Variants in TRABD2B observed in about 807,000 individuals in gnomAD.
The protein encoded by TRABD2B is metalloprotease TIKI2.
In TRABD2B, 14 loss-of-function variants were observed where a neutral mutation model predicts 40.1. That is an observed-to-expected ratio of 0.35 (90% CI 0.23 to 0.55). The LOEUF (loss-of-function observed/expected upper bound fraction) is 0.55, where lower values mean the gene tolerates loss of function less well. Among genes scored for constraint, TRABD2B ranks in the 20% least tolerant of loss-of-function variants. TRABD2B has a pLI of 0.90. For missense variants in TRABD2B, 541 were observed against 648.6 expected (o/e 0.83, Z 1.80); for synonymous variants, 263 against 277.0 (o/e 0.95, Z 0.50).
chr1:47,790,523 C>T (rs543361782), intron 4 of TRABD2B, among the ~76,000 whole-genome samples: 4 of 152,344 alleles, frequency 2.6e-5, no homozygotes, highest in African/African-American at 4.8e-5. Flanking sequence ...GTTGCAGAAA[C>T]ATCACAGATG....
chr1:47,970,281 A>C (rs965122525), intron 2 of TRABD2B, among the ~76,000 whole-genome samples: 19 of 151,800 alleles, frequency 1.3e-4, no homozygotes, highest in Non-Finnish European at 2.9e-5. Context: ...GTAGCTTTTC[A>C]AAAGGTCTTT....
Position 47,897,419 on chromosome 1 carries a change from G to GGAGGA in TRABD2B, c.667-95805_667-95801dup, listed in dbSNP as rs1644538382. 2.0e-5 allele frequency among the ~76,000 whole-genome samples: 3 copies of GGAGGA among 152,152 alleles called. No individual in the cohort carries two copies. The South Asian group carries it at 6.2e-4, about 32-fold the overall frequency. ...CCTGCGGAATGGCCCTGATGGATGA[G>GGAGGA]GAGGAGTTCACCGAGCCAAGAAGCA... is the stretch of plus-strand genomic sequence containing the variant. On this transcript the variant is annotated intron_variant, in intron 2 of 6. Transcript: ENST00000606738.
chr1:47,795,624 G>A lies in TRABD2B; in HGVS notation c.814-864C>T, dbSNP rs1350213753. On this transcript the variant is annotated intron_variant, in intron 3 of 6. Transcript: ENST00000606738. ...CTTGTAAGATGAAACTGATGATATT[G>A]TGGGGATTCAATAAGAGGATGGGGG... 3 of 982,070 alleles carry A rather than the reference G, an allele frequency of 3.1e-6. No individual in the cohort carries two copies. In the African/African-American group the frequency reaches 5.2e-5, roughly 17 times the overall value. The allele number at this position is 982,070 out of a possible 1,614,324, so 60.8% of individuals were successfully genotyped here.
intron 2 of TRABD2B, among the ~76,000 whole-genome samples, chr1:47,805,566 T>G (rs1159268601): frequency 6.6e-6 from 1 of 152,158 alleles, no homozygotes; most frequent in Non-Finnish European, 1.5e-5. Flanking sequence ...TGAATCCCAA[T>G]GTCTCCATTA....
chr1:47,802,037 G>T (rs1436277596), intron 2 of TRABD2B, among the ~76,000 whole-genome samples: 1 of 152,176 alleles, frequency 6.6e-6, no homozygotes, highest in Admixed American at 6.5e-5. Flanking sequence ...AAGAACAAAA[G>T]GCCCGGTTGG....
intron 2 of TRABD2B, among the ~76,000 whole-genome samples, chr1:47,923,355 T>A (rs904070): frequency 0.96 from 146,192 of 152,326 alleles, 70,461 homozygotes; most frequent in Non-Finnish European, 1. Flanking sequence ...AAGGAATGGG[T>A]GTGACTTGGT....
intron 2 of TRABD2B, among the ~76,000 whole-genome samples, chr1:47,901,835 C>T (rs904391510): frequency 2.0e-5 from 3 of 152,080 alleles, no homozygotes; most frequent in Admixed American, 2.0e-4. Flanking sequence ...ATGTGAAAAT[C>T]CAGGATGAGG....
At chr1:47,889,996 G>T (rs1644422997) in intron 2 of TRABD2B, among the ~76,000 whole-genome samples, 1 of 152,172 alleles carries the variant, frequency 6.6e-6, no homozygotes, top group African/African-American at 2.4e-5. Context: ...TACCTGGATG[G>T]AATGAAGTTG....
At chr1:47,785,086 GGA>G (rs1644577517) in intron 4 of TRABD2B, among the ~76,000 whole-genome samples, 1 of 152,168 alleles carries the variant, frequency 6.6e-6, no homozygotes, top group Non-Finnish European at 1.5e-5. Flanking sequence ...TGCACGGAGG[GGA>G]GAGGTGGTGT....
At position 47,958,686 on chromosome 1, in the gene TRABD2B, T is replaced by C. The variant is rs1404810382; in HGVS notation, c.666+35348A>G. Among the ~76,000 whole-genome samples the C allele has an allele frequency of 2.0e-5, 3 of 152,184 alleles. No homozygotes were observed. In the East Asian group the frequency reaches 5.8e-4, roughly 29 times the overall value. On this transcript the variant is annotated intron_variant, in intron 2 of 6. Coordinates refer to ENST00000606738, the MANE Select transcript of TRABD2B (RefSeq NM_001194986.2). Reference sequence around the variant, plus strand: ...CTATCCTAAATATATATGCACCCAATACAGGAGCACCCAGATTCATAAAGC... The same window carrying C: ...CTATCCTAAATATATATGCACCCAACACAGGAGCACCCAGATTCATAAAGC...
At chr1:47,876,546 G>A (rs548732501) in intron 2 of TRABD2B, among the ~76,000 whole-genome samples, 6 of 152,328 alleles carry the variant, frequency 3.9e-5, no homozygotes, top group Non-Finnish European at 8.8e-5. Flanking sequence ...TGGTGGGGAG[G>A]GGCTAGGAAA....
intron 2 of TRABD2B, among the ~76,000 whole-genome samples, chr1:47,975,088 A>G (rs946392162): frequency 2.6e-5 from 4 of 152,206 alleles, no homozygotes; most frequent in East Asian, 3.8e-4. Context: ...AGTACCCTGG[A>G]TAAGATCCTG....
chr1:47,884,737 T>C (rs1644349058), intron 2 of TRABD2B, among the ~76,000 whole-genome samples: 1 of 151,914 alleles, frequency 6.6e-6, no homozygotes, highest in African/African-American at 2.4e-5. Flanking sequence ...AGCCTCAGCC[T>C]CCCAAGTAGC....
intron 2 of TRABD2B, among the ~76,000 whole-genome samples, chr1:47,909,778 T>TCCCCC (rs1557651374): frequency 4.5e-4 from 2 of 4,406 alleles, no homozygotes; most frequent in African/African-American, 9.6e-4. Context: ...TCCCCTCCCC[T>TCCCCC]CCCCTCCCCA....
intron 2 of TRABD2B, among the ~76,000 whole-genome samples, chr1:47,839,475 A>T (rs1029549165): frequency 4.6e-5 from 7 of 152,172 alleles, no homozygotes; most frequent in African/African-American, 1.4e-4. Flanking sequence ...CCCTTTATCA[A>T]GCTGACACTA....
At chr1:47,770,380 C>T (rs139329790) in intron 6 of TRABD2B, among the ~76,000 whole-genome samples, 1 of 152,210 alleles carries the variant, frequency 6.6e-6, no homozygotes, top group Non-Finnish European at 1.5e-5. Flanking sequence ...TCTAGGGCTC[C>T]TCCCGCCTCC....
intron 2 of TRABD2B, among the ~76,000 whole-genome samples, chr1:47,831,208 TG>T (rs1378124388): frequency 6.6e-6 from 1 of 152,100 alleles, no homozygotes; most frequent in East Asian, 1.9e-4. Context: ...TTGGGAGGAC[TG>T]GCTTTTACAG....
Position 47,994,616 on chromosome 1 carries a change from G to C in TRABD2B, c.103-19C>G. Reference sequence around the variant, plus strand: ...CCCTCTGCTGCAGGAGTAGAGAAGAGGCAAGGCAGTGAGGCCGAAGGCAAC... The same window carrying C: ...CCCTCTGCTGCAGGAGTAGAGAAGACGCAAGGCAGTGAGGCCGAAGGCAAC... On this transcript the variant is annotated intron_variant, in intron 1 of 6. Transcript: ENST00000606738. This position sits in a 1 kb window ranked among gnomAD's most constrained non-coding sequence, Gnocchi z 6.7. 1 of 1,526,796 alleles carries C rather than the reference G, an allele frequency of 6.5e-7. No homozygotes were observed. Among genetic ancestry groups the C allele is most frequent in the Non-Finnish European group, 8.8e-7 (1 of 1,141,754 alleles). The allele number at this position is 1,526,796 out of a possible 1,614,324, so 94.6% of individuals were successfully genotyped here. A position where few individuals can be genotyped will look rare whatever the true frequency, so the allele number is the denominator to read the frequency against.
At chr1:47,908,906 G>T (rs2124698199) in intron 2 of TRABD2B, among the ~76,000 whole-genome samples, 1 of 152,346 alleles carries the variant, frequency 6.6e-6, no homozygotes, top group Admixed American at 6.5e-5. Flanking sequence ...AGACATAGCG[G>T]ACTTCCTTTA....
Sources: allele counts gnomAD v4.1 joint callset (sites outside exome capture counted in the v4.1 genomes callset), GRCh38; gene constraint gnomAD v4.1.1; non-coding constraint Gnocchi (gnomAD v3.1); transcripts MANE v1.5; gene names NCBI Gene and HGNC (gene_info 2026-07-23, HGNC 2026-07-21).